The following TENM4 variants were observed in gnomAD, a reference collection of about 807,000 sequenced individuals.
TENM4 encodes teneurin-4.
In TENM4, 82 loss-of-function variants were observed where a neutral mutation model predicts 243.3. The ratio of observed to expected loss-of-function variants is 0.34; its 90% CI spans 0.28 to 0.40. The LOEUF is 0.40. TENM4 is among the 10% of genes least tolerant of loss of function. The pLI, the probability that TENM4 is intolerant of heterozygous loss-of-function variation, is 1.00. For synonymous variants in TENM4, 1,412 were observed against 1,456.3 expected, an observed-to-expected ratio of 0.97 and a Z score of 0.69; for missense variants, 3,138 against 3,673.3, an observed-to-expected ratio of 0.85 and a Z score of 3.77.
chr11:79,185,239 A>C (rs1863360128), intron 3 of TENM4, among the ~76,000 whole-genome samples: 2 of 152,114 alleles, frequency 1.3e-5, no homozygotes, highest in African/African-American at 4.8e-5. Context: ...TTGAGGCTGC[A>C]GTGAGCTGAG....
At chr11:78,868,063 C>T (rs1029295749) in intron 9 of TENM4, among the ~76,000 whole-genome samples, 2 of 112,272 alleles carry the variant, frequency 1.8e-5, no homozygotes, top group Non-Finnish European at 1.8e-5. Context: ...ATTTGGAAGA[C>T]AGAGCCACAG....
At chr11:78,960,311 G>A (rs959634519) in intron 6 of TENM4, among the ~76,000 whole-genome samples, 2 of 152,068 alleles carry the variant, frequency 1.3e-5, no homozygotes, top group African/African-American at 4.8e-5. Context: ...AATGCAGGGT[G>A]TAAAATCCTG....
chr11:78,726,478 A>C (rs1855512996), intron 22 of TENM4, among the ~76,000 whole-genome samples: 1 of 152,184 alleles, frequency 6.6e-6, no homozygotes, highest in Admixed American at 6.5e-5. Context: ...AAAAGGATCT[A>C]AGTGAATCCC....
intron 4 of TENM4, among the ~76,000 whole-genome samples, chr11:79,126,791 C>G (rs556143600): frequency 4.6e-5 from 7 of 152,166 alleles, no homozygotes; most frequent in African/African-American, 1.7e-4. Flanking sequence ...AGGAAGGACC[C>G]TACTACATTA....
At chr11:79,099,878 C>T (rs1049231988) in intron 4 of TENM4, among the ~76,000 whole-genome samples, 3 of 152,188 alleles carry the variant, frequency 2.0e-5, no homozygotes, top group Non-Finnish European at 2.9e-5. Flanking sequence ...TCATGGGTGC[C>T]CATGGGGGTT....
intron 6 of TENM4, among the ~76,000 whole-genome samples, chr11:78,931,816 C>T (rs1308483019): frequency 6.6e-6 from 1 of 152,158 alleles, no homozygotes; most frequent in East Asian, 1.9e-4. Flanking sequence ...AAACGCTGTG[C>T]TTTAGTTGCT....
chr11:79,240,016 A>T (rs879026206), intron 2 of TENM4, among the ~76,000 whole-genome samples: 19 of 152,128 alleles, frequency 1.2e-4, no homozygotes, highest in Admixed American at 1.0e-3. Flanking sequence ...AACGCAAGGT[A>T]CTCGTCACAG....
At chr11:79,256,175 TCTC>T (rs774394473) in intron 2 of TENM4, among the ~76,000 whole-genome samples, 24 of 152,296 alleles carry the variant, frequency 1.6e-4, no homozygotes, top group Non-Finnish European at 3.1e-4. Context: ...TCCAGCATCT[TCTC>T]CTGTAGCCAT....
Position 78,702,097 on chromosome 11 carries a change from C to T in TENM4, c.4516G>A (p.Val1506Ile), listed in dbSNP as rs550019697. ...TCACAGCCACTGGGGGCCCCAGCAA[C>T]GAGTGAGATCTCTCCACTAGTGGTG... The part of the protein sequence containing the change: ...QVTTSGEISL[V>I]AGAPSGCDCK... Residue 1506 changes from valine (V) to isoleucine (I), a missense_variant, in exon 28 of 34, where the codon GTT (valine) becomes ATT (isoleucine). By Grantham distance (29) the Val-to-Ile change is conservative (BLOSUM62 3). Around this residue, in one of 2 missense-constraint regions of TENM4, gnomAD observed 2,467 missense variants for 3,059.1 expected, o/e 0.81. Coordinates refer to ENST00000278550, the MANE Select transcript of TENM4 (RefSeq NM_001098816.3). 1.8e-5 allele frequency: 29 copies of T among 1,613,922 alleles called. No individual in the cohort carries two copies. The highest frequency in any genetic ancestry group is 7.7e-5 in the South Asian group (7 of 91,068).
intron 25 of TENM4, among the ~76,000 whole-genome samples, chr11:78,718,780 G>A (rs1039684945): frequency 6.6e-6 from 1 of 152,134 alleles, no homozygotes; most frequent in Non-Finnish European, 1.5e-5. Flanking sequence ...TGAGAAATGG[G>A]CATGTTTTCA....
chr11:79,248,971 T>A (rs1353412664), intron 2 of TENM4, among the ~76,000 whole-genome samples: 2 of 152,232 alleles, frequency 1.3e-5, no homozygotes, highest in Non-Finnish European at 1.5e-5. Flanking sequence ...GAATATTTTC[T>A]GAATTTCAGC....
chr11:79,331,762 G>A (rs776484871), intron 1 of TENM4, among the ~76,000 whole-genome samples: 3 of 152,198 alleles, frequency 2.0e-5, no homozygotes, highest in African/African-American at 4.8e-5. Context: ...CTGCAACCCC[G>A]GGCAGGGGAG....
intron 1 of TENM4, among the ~76,000 whole-genome samples, chr11:79,426,876 C>T (rs1168945028): frequency 6.6e-6 from 1 of 152,148 alleles, no homozygotes; most frequent in Non-Finnish European, 1.5e-5. Context: ...TTGATAGACA[C>T]AGTATTGGTA....
chr11:78,773,042 G>A (rs947113163), intron 17 of TENM4, among the ~76,000 whole-genome samples: 3 of 152,206 alleles, frequency 2.0e-5, no homozygotes, highest in Admixed American at 1.3e-4. Flanking sequence ...CACCATTAGT[G>A]ATCTAAGCAA....
intron 6 of TENM4, among the ~76,000 whole-genome samples, chr11:79,041,851 A>G (rs1859540876): frequency 6.6e-6 from 1 of 152,216 alleles, no homozygotes; most frequent in Admixed American, 6.5e-5. Flanking sequence ...TTTAAGAAAC[A>G]TTTACTGAAC....
chr11:79,272,578 C>A (rs998483019), intron 2 of TENM4, among the ~76,000 whole-genome samples: 4 of 152,122 alleles, frequency 2.6e-5, no homozygotes, highest in African/African-American at 9.7e-5. Context: ...CCTCAATAGT[C>A]ACATGTGGCT....
intron 2 of TENM4, among the ~76,000 whole-genome samples, chr11:79,266,452 C>A (rs949795949): frequency 6.6e-6 from 1 of 152,178 alleles, no homozygotes; most frequent in South Asian, 2.1e-4. Context: ...ATTCACTATG[C>A]TGATGTTGAA....
intron 4 of TENM4, among the ~76,000 whole-genome samples, chr11:79,088,859 T>C (rs1860880397): frequency 1.3e-5 from 2 of 152,332 alleles, no homozygotes; most frequent in Middle Eastern, 3.4e-3. Context: ...GTTCTTGTCC[T>C]AGAAAGACAG....
chr11:78,744,022 T>C (rs940307697), intron 19 of TENM4, among the ~76,000 whole-genome samples: 1 of 152,260 alleles, frequency 6.6e-6, no homozygotes, highest in African/African-American at 2.4e-5. Flanking sequence ...TTTGCCTGAC[T>C]TGTGTAAATC....
Sources: gnomAD v4.1 joint callset for allele counts (sites outside exome capture counted in the v4.1 genomes callset) on GRCh38, gnomAD v4.1.1 for gene constraint, gnomAD v4.1.1 regional missense constraint, MANE v1.5 for transcripts, NCBI Gene and HGNC (gene_info 2026-07-23, HGNC 2026-07-21) for gene names.